The following XIRP2 variants were observed in gnomAD, a reference collection of about 807,000 sequenced individuals.
The protein encoded by XIRP2 is xin actin-binding repeat-containing protein 2.
XIRP2 carries 236 observed loss-of-function variants against 277.0 expected under a neutral mutation model. The observed-to-expected ratio is 0.85, with a 90% CI of 0.77 to 0.95. XIRP2 has a LOEUF of 0.95. XIRP2 is among the 40% of genes least tolerant of loss of function. The probability of loss-of-function intolerance (pLI) is 0.00; values close to 1 mark genes in which losing one functional copy is unlikely to be tolerated. For synonymous variants in XIRP2, 1,490 were observed against 1,416.5 expected, an observed-to-expected ratio of 1.05 and a Z score of -1.17; for missense variants, 4,640 against 4,157.5, an observed-to-expected ratio of 1.12 and a Z score of -3.19.
chr2:166,922,863 T>A (rs950826752), intron 2 of XIRP2, among the ~76,000 whole-genome samples: 2 of 150,862 alleles, frequency 1.3e-5, no homozygotes, highest in African/African-American at 4.9e-5. Flanking sequence ...GGTGATAGCA[T>A]ATTGCAGATT....
At chr2:167,145,491 T>G (rs1691839480) in intron 3 of XIRP2, among the ~76,000 whole-genome samples, 1 of 152,176 alleles carries the variant, frequency 6.6e-6, no homozygotes, top group Admixed American at 6.6e-5. Context: ...TTCCAATGAA[T>G]TAGGTAGCAA....
intron 2 of XIRP2, among the ~76,000 whole-genome samples, chr2:167,009,155 T>G (rs970725871): frequency 6.6e-6 from 1 of 151,742 alleles, no homozygotes; most frequent in Non-Finnish European, 1.5e-5. Flanking sequence ...GCTGGTGTGC[T>G]GCATCCATTA....
intron 2 of XIRP2, among the ~76,000 whole-genome samples, chr2:167,012,700 C>A (rs1045940649): frequency 2.0e-5 from 3 of 151,452 alleles, no homozygotes; most frequent in Non-Finnish European, 4.4e-5. Flanking sequence ...GCCACAGATT[C>A]CTTCTTTCTT....
chr2:166,912,928 G>A (rs1441848198), intron 2 of XIRP2, among the ~76,000 whole-genome samples: 1 of 152,182 alleles, frequency 6.6e-6, no homozygotes, highest in East Asian at 1.9e-4. Flanking sequence ...GAGTATTGCT[G>A]AACAGCAAAT....
At chr2:167,079,766 C>T (rs1020662207) in intron 2 of XIRP2, among the ~76,000 whole-genome samples, 2 of 151,956 alleles carry the variant, frequency 1.3e-5, no homozygotes, top group Middle Eastern at 3.4e-3. Flanking sequence ...ATCTATGTTG[C>T]TTATCCTTCT....
At chr2:167,155,275 T>C (rs1028308632) in intron 3 of XIRP2, among the ~76,000 whole-genome samples, 13 of 151,838 alleles carry the variant, frequency 8.6e-5, no homozygotes, top group East Asian at 7.7e-4. Flanking sequence ...ATACCAAAGC[T>C]GGGCAGAGAC....
In XIRP2 at chr2:167,187,435, G is replaced by C. The variant is rs992017025; in HGVS notation, c.563-23300G>C. 3.0e-6 allele frequency: 3 copies of C among 985,262 alleles called. No individual in the cohort carries two copies. In the African/African-American group the frequency reaches 5.2e-5, roughly 17 times the overall value. The allele number at this position is 985,262 out of a possible 1,614,324, so 61.0% of individuals were successfully genotyped here. On this transcript the variant is annotated intron_variant, in intron 3 of 10. Transcript: ENST00000409195. ...TTGCTTTCAGGGGACTGGGAAATTG[G>C]CTGTACATGAAACAAGGGAGGAAGC...
At chr2:167,021,539 G>T (rs1687982014) in intron 2 of XIRP2, among the ~76,000 whole-genome samples, 1 of 152,112 alleles carries the variant, frequency 6.6e-6, no homozygotes, top group East Asian at 1.9e-4. Flanking sequence ...TTTAATGTTT[G>T]TTGGAAATTT....
At chr2:167,052,366 G>C (rs144683459) in intron 2 of XIRP2, among the ~76,000 whole-genome samples, 2 of 151,830 alleles carry the variant, frequency 1.3e-5, no homozygotes, top group Non-Finnish European at 2.9e-5. Context: ...TTAAAATCTC[G>C]TTTTTCGTGT....
chr2:167,162,132 G>A (rs1273094977), intron 3 of XIRP2, among the ~76,000 whole-genome samples: 1 of 152,112 alleles, frequency 6.6e-6, no homozygotes, highest in Non-Finnish European at 1.5e-5. Flanking sequence ...ATCATTATCA[G>A]CATTCGGTCA....
At chr2:167,135,148 G>C (rs1421432018) in intron 2 of XIRP2, among the ~76,000 whole-genome samples, 2 of 151,936 alleles carry the variant, frequency 1.3e-5, no homozygotes. Context: ...TTTGCTTCTT[G>C]AACTGTCTTG....
chr2:167,251,341 C>A lies in XIRP2; in HGVS notation c.9949C>A (p.Arg3317=), dbSNP rs74648672. The A allele has an allele frequency of 7.7e-4, 1,235 of 1,613,462 alleles. 12 individuals are homozygous for A. The East Asian group carries it at 0.025, about 32-fold the overall frequency. The change falls in exon 9 of 11, where the codon CGA becomes AGA. Residue 3317 remains arginine (R), a synonymous_variant. Transcript: ENST00000409195. ...CACACAGAGATATGAAGCGGCCAAC[C>A]GAACTGTTCAAATGGCTGAAAATTT... ...EHTQRYEAAN[R]TVQMAENFVN...
Position 167,244,478 on chromosome 2 carries a change from T to G in XIRP2, c.3086T>G (p.Phe1029Cys), listed in dbSNP as rs375371852. The change falls in exon 9 of 11, where the codon TTT becomes TGT. Residue 1029 changes from phenylalanine (F) to cysteine (C), a missense_variant. Coordinates refer to ENST00000409195, the MANE Select transcript of XIRP2 (RefSeq NM_152381.6). Reference sequence around the variant, plus strand: ...TTTGAAACAAGGCCCATTGACCAGTTTGATGAAAGCATTCATAAATTTCAA... The same window carrying G: ...TTTGAAACAAGGCCCATTGACCAGTGTGATGAAAGCATTCATAAATTTCAA... ...WLFETRPIDQFDESIHKFQII... is the reference protein window; with the variant it reads ...WLFETRPIDQCDESIHKFQII... The G allele has an allele frequency of 1.2e-6, 2 of 1,613,686 alleles. No individual in the cohort carries two copies. Among genetic ancestry groups the G allele is most frequent in the Non-Finnish European group, 1.7e-6 (2 of 1,179,842 alleles).
intron 1 of XIRP2, chr2:166,890,020 G>A (rs1390831308): frequency 6.6e-6 from 1 of 151,834 alleles, no homozygotes; most frequent in Non-Finnish European, 1.5e-5. Context: ...ATTTGAGACA[G>A]AGTCTTGCTC....
chr2:167,073,090 G>A (rs1326817150), intron 2 of XIRP2, among the ~76,000 whole-genome samples: 1 of 151,998 alleles, frequency 6.6e-6, no homozygotes, highest in African/African-American at 2.4e-5. Context: ...ATTAAAGGCT[G>A]TTACAACATT....
chr2:167,077,157 A>C (rs770621464), intron 2 of XIRP2, among the ~76,000 whole-genome samples: 1 of 151,954 alleles, frequency 6.6e-6, no homozygotes, highest in Admixed American at 6.6e-5. Flanking sequence ...CTGGCAATGT[A>C]TTTATTTTCA....
intron 2 of XIRP2, chr2:167,124,202 T>C (rs1168610306): frequency 6.6e-6 from 1 of 152,170 alleles, no homozygotes. Flanking sequence ...AAAGTCTCCT[T>C]GCTTACAGAC....
Position 166,941,717 on chromosome 2 carries a change from T to A in XIRP2, c.408+37827T>A, listed in dbSNP as rs370148230. Among the ~76,000 whole-genome samples the A allele has an allele frequency of 1.3e-5, 2 of 152,238 alleles. 1 individual carries two copies. ...TTTCAGAAGTTTCTACATATGTTTC[T>A]TCTATCCAACTATAAAATATTTGAA... On this transcript the variant is annotated intron_variant, in intron 2 of 10. Coordinates refer to ENST00000409195, the MANE Select transcript of XIRP2 (RefSeq NM_152381.6).
intron 1 of XIRP2, among the ~76,000 whole-genome samples, chr2:166,891,803 T>C (rs76605140): frequency 0.014 from 2,177 of 152,246 alleles, 62 homozygotes; most frequent in African/African-American, 0.05. Flanking sequence ...AATATTAGCA[T>C]TATAAACATA....
Sources: gnomAD v4.1 joint callset for allele counts (sites outside exome capture counted in the v4.1 genomes callset) on GRCh38, gnomAD v4.1.1 for gene constraint, MANE v1.5 for transcripts, NCBI Gene and HGNC (gene_info 2026-07-23, HGNC 2026-07-21) for gene names.